PRKN: variants seen among roughly 807,000 people sequenced by gnomAD.
PRKN encodes the protein parkin RBR E3 ubiquitin protein ligase, also known as E3 ubiquitin-protein ligase parkin.
Under a neutral mutation model 59.5 loss-of-function variants are expected in PRKN, and 56 were observed. The observed-to-expected ratio is 0.94, with a 90% confidence interval of 0.76 to 1.18. The LOEUF is 1.18. PRKN is among the 50% of genes most tolerant of loss of function. PRKN has a pLI of 0.00. For missense variants in PRKN, 657 were observed against 596.4 expected (o/e 1.10, Z -1.06); for synonymous variants, 250 against 222.1 (o/e 1.13, Z -1.12).
At chr6:162,095,281 C>T (rs1402118197) in intron 4 of PRKN, among the ~76,000 whole-genome samples, 1 of 152,144 alleles carries the variant, frequency 6.6e-6, no homozygotes, top group African/African-American at 2.4e-5. Context: ...GAGGCCTACA[C>T]CTCCCCGACT....
intron 7 of PRKN, among the ~76,000 whole-genome samples, chr6:161,746,333 G>A (rs1428164556): frequency 6.6e-6 from 1 of 151,866 alleles, no homozygotes; most frequent in African/African-American, 2.4e-5. Flanking sequence ...AGCTGTGGGG[G>A]ACTATCCGCA....
At chr6:161,728,102 C>T (rs923113153) in intron 7 of PRKN, among the ~76,000 whole-genome samples, 4 of 152,178 alleles carry the variant, frequency 2.6e-5, no homozygotes, top group Middle Eastern at 3.4e-3. Context: ...TAAAAATTAG[C>T]GCTTTGACAA....
intron 7 of PRKN, chr6:161,716,097 C>G (rs773241225): frequency 7.4e-7 from 1 of 1,347,908 alleles, no homozygotes; most frequent in African/African-American, 1.5e-5. Context: ...TGAATCCCCC[C>G]AGAGCTCCTC....
At chr6:162,097,304 C>G (rs938182304) in intron 4 of PRKN, among the ~76,000 whole-genome samples, 1 of 152,110 alleles carries the variant, frequency 6.6e-6, no homozygotes, top group Non-Finnish European at 1.5e-5. Context: ...GAATATTATG[C>G]TGGAACACAT....
chr6:162,367,012 T>G (rs1785477242), intron 2 of PRKN, among the ~76,000 whole-genome samples: 1 of 152,194 alleles, frequency 6.6e-6, no homozygotes, highest in Admixed American at 6.5e-5. Flanking sequence ...CCAAATCTCA[T>G]CTCGAATTGT....
At chr6:162,432,872 T>A (rs921486738) in intron 2 of PRKN, among the ~76,000 whole-genome samples, 2 of 152,158 alleles carry the variant, frequency 1.3e-5, no homozygotes, top group African/African-American at 4.8e-5. Context: ...CCTGCAAAAT[T>A]GCTCCCCCAA....
intron 4 of PRKN, among the ~76,000 whole-genome samples, chr6:162,154,037 C>T (rs115027601): frequency 2.6e-5 from 4 of 152,128 alleles, no homozygotes; most frequent in Non-Finnish European, 4.4e-5. Flanking sequence ...TGGGGCTTTG[C>T]CAGGGACCTG....
rs1387446790 is a variant in PRKN at position 161,445,739 on chromosome 6, A to C, written c.1084-58862T>G. On this transcript the variant is annotated intron_variant, in intron 9 of 11. Transcript: ENST00000366898. The surrounding 1 kb of genome is among the most constrained non-coding windows in gnomAD (Gnocchi z 7.7). ...CGTGCGGGGCCAGGTGACTGCACAG[A>C]GTGATGAGCTGGGCCCACTTTCCTG... Among the ~76,000 whole-genome samples the C allele has an allele frequency of 2.0e-5, 3 of 152,184 alleles. No individual in the cohort carries two copies. The highest frequency in any genetic ancestry group is 7.2e-5 in the African/African-American group (3 of 41,448).
chr6:161,634,565 C>T (rs902236500), intron 7 of PRKN, among the ~76,000 whole-genome samples: 3 of 152,194 alleles, frequency 2.0e-5, no homozygotes, highest in African/African-American at 7.2e-5. Flanking sequence ...CTACTCAACT[C>T]ACCCCAAGAA....
intron 4 of PRKN, among the ~76,000 whole-genome samples, chr6:162,108,760 C>T (rs1780297175): frequency 6.6e-6 from 1 of 152,124 alleles, no homozygotes; most frequent in Non-Finnish European, 1.5e-5. Context: ...AGAAGTCAGT[C>T]TTCATAGGAT....
rs565396384 is a variant in PRKN, at chr6:162,463,233, C to A, written c.8-19760G>T. On this transcript the variant is annotated intron_variant, in intron 1 of 11. Transcript: ENST00000366898. The stretch of plus-strand genomic sequence containing the variant: ...TGATGAGAATGTTCCTAACCTATTG[C>A]AAATGATTACTTACCATGGAAATAC... Among the ~76,000 whole-genome samples the A allele has an allele frequency of 2.6e-5, 4 of 152,240 alleles. No individual in the cohort carries two copies. In the East Asian group the frequency reaches 7.7e-4, roughly 29 times the overall value.
intron 4 of PRKN, among the ~76,000 whole-genome samples, chr6:162,133,108 CT>C (rs1451694460): frequency 6.6e-6 from 1 of 152,086 alleles, no homozygotes; most frequent in Non-Finnish European, 1.5e-5. Flanking sequence ...TGGTTTGTGT[CT>C]GAAAAATGTT....
chr6:162,337,388 C>T (rs1435901478), intron 2 of PRKN, among the ~76,000 whole-genome samples: 1 of 152,136 alleles, frequency 6.6e-6, no homozygotes, highest in Non-Finnish European at 1.5e-5. Context: ...GGTAACTAGA[C>T]GATGCCTCAT....
chr6:161,830,495 G>T (rs1792450851), intron 6 of PRKN, among the ~76,000 whole-genome samples: 1 of 152,054 alleles, frequency 6.6e-6, no homozygotes, highest in Admixed American at 6.5e-5. Flanking sequence ...CTCGTGATCT[G>T]CCCGCCTCGG....
rs1209333968 is a variant in PRKN, at chr6:161,386,928, A to G, written c.1084-51T>C. ...TTAGGGACATTAGGTTGCATTTGGC[A>G]ATAACACATTTTTCCTTTTCCAAAT... On this transcript the variant is annotated intron_variant, in intron 9 of 11. Transcript: ENST00000366898. The surrounding 1 kb of genome is among the most constrained non-coding windows in gnomAD (Gnocchi z 4.3). 7.0e-7 allele frequency: 1 copy of G among 1,432,510 alleles called. No homozygotes were observed. The highest frequency in any genetic ancestry group is 1.4e-5 in the African/African-American group (1 of 71,588). The allele number at this position is 1,432,510 out of a possible 1,614,324, so 88.7% of individuals were successfully genotyped here.
rs1784887306 is a variant in PRKN at position 161,359,281 on chromosome 6, C to T, written c.1285+807G>A. Among the ~76,000 whole-genome samples, 1 of 152,224 alleles carries T rather than the reference C, an allele frequency of 6.6e-6. No individual in the cohort carries two copies. ...GCTCTGGGATGTGTTCAAGCACCGTCTTGTTTGTATTAATGAAAACTTCCT... is the reference window on the plus strand; with the variant it reads ...GCTCTGGGATGTGTTCAAGCACCGTTTTGTTTGTATTAATGAAAACTTCCT... On this transcript the variant is annotated intron_variant, in intron 11 of 11. Transcript: ENST00000366898. This position sits in a 1 kb window ranked among gnomAD's most constrained non-coding sequence, Gnocchi z 5.4.
chr6:162,088,095 G>A (rs1779330506), intron 4 of PRKN, among the ~76,000 whole-genome samples: 1 of 152,130 alleles, frequency 6.6e-6, no homozygotes, highest in African/African-American at 2.4e-5. Context: ...CATCAATGAG[G>A]ACCTTTAGAG....
At chr6:162,376,481 C>T (rs1331311412) in intron 2 of PRKN, among the ~76,000 whole-genome samples, 7 of 151,574 alleles carry the variant, frequency 4.6e-5, no homozygotes, top group African/African-American at 1.2e-4. Flanking sequence ...CTGCTGTACA[C>T]GCAGCCACTG....
intron 6 of PRKN, among the ~76,000 whole-genome samples, chr6:161,893,495 G>C (rs73604814): frequency 0.09 from 13,749 of 152,170 alleles, 1,107 homozygotes; most frequent in African/African-American, 0.22. Context: ...CTTAAACACT[G>C]TCTGTGCCTT....
Sources: gnomAD v4.1 joint callset for allele counts (sites outside exome capture counted in the v4.1 genomes callset) on GRCh38, gnomAD v4.1.1 for gene constraint, Gnocchi (gnomAD v3.1) non-coding constraint, MANE v1.5 for transcripts, NCBI Gene and HGNC (gene_info 2026-07-23, HGNC 2026-07-21) for gene names.